Variants in MGMT observed in about 807,000 individuals in gnomAD.
MGMT encodes the protein methylated-DNA--protein-cysteine methyltransferase.
In MGMT, 14 loss-of-function variants were observed where a neutral mutation model predicts 15.9. That is an observed-to-expected ratio of 0.88 (90% confidence interval 0.58 to 1.37). The LOEUF (loss-of-function observed/expected upper bound fraction) is 1.37, where lower values mean the gene tolerates loss of function less well. MGMT is among the 40% of genes most tolerant of loss of function. The pLI is 0.00. For synonymous variants in MGMT, 130 were observed against 118.2 expected (o/e 1.10, Z -0.65); for missense variants, 282 against 268.1 (o/e 1.05, Z -0.36).
intron 2 of MGMT, among the ~76,000 whole-genome samples, chr10:129,608,832 G>T (rs1394224214): frequency 6.6e-6 from 1 of 152,244 alleles, no homozygotes; most frequent in East Asian, 1.9e-4. Flanking sequence ...CTGAGGCCCC[G>T]TCCGCCTTGG....
At chr10:129,604,651 C>G (rs1846865756) in intron 2 of MGMT, among the ~76,000 whole-genome samples, 1 of 151,844 alleles carries the variant, frequency 6.6e-6, no homozygotes, top group Non-Finnish European at 1.5e-5. Flanking sequence ...CCCTGTGGCT[C>G]TGTCTTGGGA....
intron 2 of MGMT, among the ~76,000 whole-genome samples, chr10:129,616,075 GT>G (rs1245419301): frequency 6.6e-6 from 1 of 152,204 alleles, no homozygotes; most frequent in East Asian, 1.9e-4. Flanking sequence ...TTCTTTGGCA[GT>G]TAGGAAAGCA....
chr10:129,696,017 G>A (rs1434693326), intron 2 of MGMT, among the ~76,000 whole-genome samples: 1 of 152,148 alleles, frequency 6.6e-6, no homozygotes, highest in Non-Finnish European at 1.5e-5. Context: ...GTTTCCAGTA[G>A]ATGAGAAGGC....
At chr10:129,744,701 A>T (rs556346624) in intron 3 of MGMT, among the ~76,000 whole-genome samples, 42 of 152,118 alleles carry the variant, frequency 2.8e-4, no homozygotes, top group Non-Finnish European at 4.3e-4. Flanking sequence ...GCTCACTCTC[A>T]GTGTGCGCCT....
chr10:129,604,777 T>C (rs12775171), intron 2 of MGMT, among the ~76,000 whole-genome samples: 2 of 139,340 alleles, frequency 1.4e-5, no homozygotes, highest in South Asian at 4.9e-4. Context: ...CTCAAGGCCT[T>C]TTATCATTTT....
At chr10:129,696,586 T>C (rs1028855184) in intron 2 of MGMT, among the ~76,000 whole-genome samples, 2 of 152,264 alleles carry the variant, frequency 1.3e-5, no homozygotes, top group Non-Finnish European at 2.9e-5. Flanking sequence ...ACATTATTCA[T>C]TGGAAAAATG....
intron 2 of MGMT, among the ~76,000 whole-genome samples, chr10:129,612,787 G>T (rs1034495680): frequency 6.6e-6 from 1 of 152,172 alleles, no homozygotes; most frequent in Non-Finnish European, 1.5e-5. Flanking sequence ...GGAGGTCTTC[G>T]TTTCGGCATC....
intron 3 of MGMT, among the ~76,000 whole-genome samples, chr10:129,739,157 A>C (rs951987926): frequency 6.6e-6 from 1 of 152,212 alleles, no homozygotes; most frequent in Non-Finnish European, 1.5e-5. Flanking sequence ...ACGTATCTCA[A>C]ATAATAAGAG....
intron 2 of MGMT, among the ~76,000 whole-genome samples, chr10:129,541,712 A>G (rs1000137968): frequency 6.6e-6 from 1 of 152,190 alleles, no homozygotes; most frequent in African/African-American, 2.4e-5. Context: ...TTTCAGAAAA[A>G]TATAGGAAAA....
intron 1 of MGMT, among the ~76,000 whole-genome samples, chr10:129,469,229 T>A (rs1370942559): frequency 1.3e-5 from 2 of 152,176 alleles, no homozygotes; most frequent in African/African-American, 4.8e-5. Context: ...TCCCACCCTT[T>A]CTTAGGACAC....
intron 2 of MGMT, among the ~76,000 whole-genome samples, chr10:129,601,449 G>A (rs1016920878): frequency 5.3e-5 from 8 of 152,146 alleles, no homozygotes; most frequent in Non-Finnish European, 8.8e-5. Context: ...GGCAGACCTT[G>A]GGTGGCTCAC....
intron 2 of MGMT, among the ~76,000 whole-genome samples, chr10:129,634,715 A>G (rs991547089): frequency 6.6e-6 from 1 of 151,936 alleles, no homozygotes; most frequent in Non-Finnish European, 1.5e-5. Context: ...TATAATTCTA[A>G]TTAACTTTTT....
intron 2 of MGMT, among the ~76,000 whole-genome samples, chr10:129,651,383 T>G (rs1197370652): frequency 6.6e-6 from 1 of 152,158 alleles, no homozygotes; most frequent in Non-Finnish European, 1.5e-5. Flanking sequence ...TTAAAGGTCA[T>G]TTGGCTCTAG....
At chr10:129,734,631 C>G (rs1848539433) in intron 3 of MGMT, among the ~76,000 whole-genome samples, 1 of 152,104 alleles carries the variant, frequency 6.6e-6, no homozygotes, top group Admixed American at 6.5e-5. Flanking sequence ...GTATCCCTGT[C>G]TTGTGCCAGT....
intron 1 of MGMT, among the ~76,000 whole-genome samples, chr10:129,496,711 A>G (rs1845525599): frequency 6.6e-6 from 1 of 152,186 alleles, no homozygotes; most frequent in African/African-American, 2.4e-5. Flanking sequence ...GGAAAAAAAT[A>G]CAGAGAGAAA....
At chr10:129,555,115 C>T (rs1846198485) in intron 2 of MGMT, among the ~76,000 whole-genome samples, 1 of 152,236 alleles carries the variant, frequency 6.6e-6, no homozygotes, top group Admixed American at 6.5e-5. Context: ...GCTATTTCTA[C>T]CACTTCCTAA....
At chr10:129,689,582 C>A (rs767787342) in intron 2 of MGMT, among the ~76,000 whole-genome samples, 22 of 152,158 alleles carry the variant, frequency 1.4e-4, no homozygotes, top group Non-Finnish European at 2.5e-4. Context: ...GGAGCAGGTC[C>A]TTCGGTTACC....
At chr10:129,552,122 G>A (rs967003835) in intron 2 of MGMT, among the ~76,000 whole-genome samples, 26 of 152,332 alleles carry the variant, frequency 1.7e-4, no homozygotes, top group African/African-American at 5.8e-4. Context: ...GACCCACTAA[G>A]GGGGACCTGC....
At chr10:129,716,010 G>A (rs531912674) in intron 3 of MGMT, among the ~76,000 whole-genome samples, 61 of 152,262 alleles carry the variant, frequency 4.0e-4, no homozygotes, top group African/African-American at 1.2e-3. Context: ...TTCTGAGGCC[G>A]CGTGGAGATG....
Sources: gnomAD v4.1 joint callset for allele counts (sites outside exome capture counted in the v4.1 genomes callset) on GRCh38, gnomAD v4.1.1 for gene constraint, MANE v1.5 for transcripts, NCBI Gene and HGNC (gene_info 2026-07-23, HGNC 2026-07-21) for gene names.